The following ERC1 variants were observed in gnomAD, a reference collection of about 807,000 sequenced individuals.
The protein encoded by ERC1 is ELKS/RAB6-interacting/CAST family member 1.
Under a neutral mutation model 132.0 loss-of-function variants are expected in ERC1, and 56 were observed. The ratio of observed to expected loss-of-function variants is 0.42; its 90% CI spans 0.34 to 0.53. ERC1 has a LOEUF of 0.53. ERC1 is among the 20% of genes least tolerant of loss of function. The pLI, the probability that ERC1 is intolerant of heterozygous loss-of-function variation, is 0.03. For synonymous variants in ERC1, 478 were observed against 476.1 expected (o/e 1.00, Z -0.05); for missense variants, 1,202 against 1,349.9 (o/e 0.89, Z 1.72).
intron 15 of ERC1, among the ~76,000 whole-genome samples, chr12:1,338,931 G>A (rs987127324): frequency 2.0e-5 from 3 of 152,190 alleles, no homozygotes; most frequent in South Asian, 2.1e-4. Context: ...TGGTGGGGCC[G>A]AAGTGCTCCA....
chr12:1,246,003 T>C (rs567053181), intron 13 of ERC1, among the ~76,000 whole-genome samples: 1 of 152,312 alleles, frequency 6.6e-6, no homozygotes, highest in Admixed American at 6.5e-5. Flanking sequence ...ACTCCTGGCC[T>C]CAAGTGATGC....
chr12:1,333,110 C>T (rs958394995), intron 15 of ERC1, among the ~76,000 whole-genome samples: 2 of 149,952 alleles, frequency 1.3e-5, no homozygotes, highest in African/African-American at 5.0e-5. Flanking sequence ...CTCACCCCCC[C>T]TCCTCCATTA....
intron 8 of ERC1, among the ~76,000 whole-genome samples, chr12:1,144,304 A>G (rs1006294501): frequency 3.9e-5 from 6 of 152,098 alleles, no homozygotes; most frequent in Admixed American, 3.3e-4. Context: ...GTTTGGTGAC[A>G]TGGATAAGTT....
At position 1,054,964 on chromosome 12, in the gene ERC1, T is replaced by G. The variant is rs372827580; in HGVS notation, c.669+26392T>G. The stretch of plus-strand genomic sequence containing the variant: ...TTAGCTTCAAGAATGGAATTATTCT[T>G]AAGAGTAAAATCACTTAAGCTAGAA... On this transcript the variant is annotated intron_variant, in intron 2 of 18. Transcript: ENST00000360905. 3.3e-5 allele frequency among the ~76,000 whole-genome samples: 5 copies of G among 152,274 alleles called. No individual in the cohort carries two copies. In the East Asian group the frequency reaches 9.7e-4, roughly 29 times the overall value.
intron 15 of ERC1, among the ~76,000 whole-genome samples, chr12:1,354,611 A>G (rs1445504092): frequency 1.3e-5 from 2 of 151,894 alleles, no homozygotes; most frequent in African/African-American, 2.4e-5. Flanking sequence ...GTGAGTGTTT[A>G]CCCAGTTCAT....
In ERC1 at chr12:1,418,577, C is replaced by T. The variant is rs975022817; in HGVS notation, c.3024+10330C>T. 2.0e-4 allele frequency among the ~76,000 whole-genome samples: 24 copies of T among 122,116 alleles called. No individual in the cohort carries two copies. The South Asian group carries it at 2.3e-3, about 11-fold the overall frequency. The allele number at this position is 122,116 out of a possible 152,430, so 80.1% of individuals were successfully genotyped here. A position where few individuals can be genotyped will look rare whatever the true frequency, so the allele number is the denominator to read the frequency against. Reference sequence around the variant, plus strand: ...TCTGAAGTCTTCATTTTCTTTCTTTCTTTCTTTCTTTCTCTTTCTTTCTTT... The same window carrying T: ...TCTGAAGTCTTCATTTTCTTTCTTTTTTTCTTTCTTTCTCTTTCTTTCTTT... On this transcript the variant is annotated intron_variant, in intron 17 of 18. Transcript: ENST00000360905.
chr12:1,049,464 G>C (rs950102027), intron 2 of ERC1, among the ~76,000 whole-genome samples: 3 of 152,128 alleles, frequency 2.0e-5, no homozygotes, highest in African/African-American at 7.2e-5. Flanking sequence ...AATTTGATTT[G>C]ATTGGGCTTG....
intron 13 of ERC1, among the ~76,000 whole-genome samples, chr12:1,238,236 G>T (rs566462897): frequency 6.7e-6 from 1 of 148,328 alleles, no homozygotes; most frequent in African/African-American, 2.5e-5. Context: ...ATATTTCTCT[G>T]ATTACCAATG....
At chr12:1,289,727 A>G (rs1343567209) in intron 14 of ERC1, 125 bp from the exon 15 acceptor site, 3 of 667,108 alleles carry the variant, frequency 4.5e-6, no homozygotes, top group South Asian at 1.9e-5. Context: ...CAGAAAGAGT[A>G]CAGAATTTTC....
rs1194060724 is a variant in ERC1, at chr12:1,490,137, G to T, written c.3258G>T (p.Leu1086=). ...AAGGTGAACGGGACAATGCAGAACT[G>T]CAGGAGTTTGCCAACGCCATTCTTC... The part of the protein sequence containing the change: ...LEKGERDNAE[L]QEFANAILQQ... Residue 1086 remains leucine (L), a synonymous_variant, in exon 19 of 19, where the codon CTG becomes CTT. Transcript: ENST00000360905. The T allele has an allele frequency of 6.2e-7, 1 of 1,614,178 alleles. No homozygotes were observed. Among genetic ancestry groups the T allele is most frequent in the East Asian group, 2.2e-5 (1 of 44,886 alleles).
chr12:1,325,567 CAG>C lies in ERC1; in HGVS notation c.2780+35557_2780+35558del, dbSNP rs1257511376. Among the ~76,000 whole-genome samples, 4 of 152,170 alleles carry C rather than the reference CAG, an allele frequency of 2.6e-5. No individual in the cohort carries two copies. The East Asian group carries it at 7.7e-4, about 29-fold the overall frequency. On this transcript the variant is annotated intron_variant, in intron 15 of 18. Coordinates refer to ENST00000360905, the MANE Select transcript of ERC1 (RefSeq NM_178040.4). ...CTTTATAAATTTAATATTAGAAGGACAGAAGTTTGACCAGACAGTTCAATAAA... is the reference window on the plus strand; with the variant it reads ...CTTTATAAATTTAATATTAGAAGGACAAGTTTGACCAGACAGTTCAATAAA...
intron 3 of ERC1, among the ~76,000 whole-genome samples, chr12:1,096,632 A>C (rs1944077889): frequency 6.6e-6 from 1 of 152,234 alleles, no homozygotes; most frequent in African/African-American, 2.4e-5. Context: ...AGAGATTATT[A>C]TGGCCTAAAC....
rs149249485 is a variant in ERC1, at chr12:1,478,791, T to TAA, written c.3214-11295_3214-11294dup. On this transcript the variant is annotated intron_variant, in intron 18 of 18. Transcript: ENST00000360905. ...GCGACAGAGTGAGACTCTGTCTCAA[T>TAA]AAAAAAAAGAGAGAGAGAGAGAGAG... 3.7e-3 allele frequency among the ~76,000 whole-genome samples: 541 copies of TAA among 148,078 alleles called. 3 individuals are homozygous for TAA. Among genetic ancestry groups the TAA allele is most frequent in the Middle Eastern group, 0.024 (7 of 290 alleles).
At chr12:1,172,321 G>A (rs186232157) in intron 8 of ERC1, among the ~76,000 whole-genome samples, 2 of 150,594 alleles carry the variant, frequency 1.3e-5, no homozygotes, top group Non-Finnish European at 2.9e-5. Context: ...ATTAAAAATC[G>A]GCTGGGTGTG....
At chr12:1,142,577 A>G (rs1949954491) in intron 8 of ERC1, among the ~76,000 whole-genome samples, 1 of 152,220 alleles carries the variant, frequency 6.6e-6, no homozygotes, top group African/African-American at 2.4e-5. Context: ...AAGAGACTGT[A>G]CCAAGTTTCA....
Position 1,050,788 on chromosome 12 carries a change from G to A in ERC1, c.669+22216G>A, listed in dbSNP as rs71449121. On this transcript the variant is annotated intron_variant, in intron 2 of 18. Coordinates refer to ENST00000360905, the MANE Select transcript of ERC1 (RefSeq NM_178040.4). Reference sequence around the variant, plus strand: ...TGGGAGGCCGAGGCGGGTTGATCACGAGGTGAAGGAATCGAGACCATCCTG... The same window carrying A: ...TGGGAGGCCGAGGCGGGTTGATCACAAGGTGAAGGAATCGAGACCATCCTG... Among the ~76,000 whole-genome samples the A allele has an allele frequency of 3.9e-5, 6 of 152,090 alleles. No individual in the cohort carries two copies. The East Asian group carries it at 7.7e-4, about 20-fold the overall frequency.
intron 6 of ERC1, 145 bp downstream of exon 6, chr12:1,112,443 C>T: frequency 1.8e-6 from 1 of 561,116 alleles, no homozygotes; most frequent in Non-Finnish European, 3.2e-6. Context: ...CTGCTCTGCT[C>T]TTTAACTGAC....
intron 12 of ERC1, among the ~76,000 whole-genome samples, chr12:1,225,449 T>TAAAACACACACAC (rs139203394): frequency 0.023 from 3,088 of 131,748 alleles, 50 homozygotes; most frequent in African/African-American, 0.034. Context: ...GGCTGTCTCT[T>TAAAACACACACAC]ACACACACAC....
chr12:1,372,799 A>T (rs569474423), intron 16 of ERC1, among the ~76,000 whole-genome samples: 1 of 152,312 alleles, frequency 6.6e-6, no homozygotes, highest in African/African-American at 2.4e-5. Flanking sequence ...CTTTGCCCTC[A>T]AGTAATGAGA....
Sources: gnomAD v4.1 joint callset for allele counts (sites outside exome capture counted in the v4.1 genomes callset) on GRCh38, gnomAD v4.1.1 for gene constraint, MANE v1.5 for transcripts, NCBI Gene and HGNC (gene_info 2026-07-23, HGNC 2026-07-21) for gene names.